HEATR5B: variants seen among roughly 807,000 people sequenced by gnomAD.
HEATR5B encodes HEAT repeat containing 5B, also known as HEAT repeat-containing protein 5B.
Under a neutral mutation model 224.1 loss-of-function variants are expected in HEATR5B, and 156 were observed. The ratio of observed to expected loss-of-function variants is 0.70; its 90% confidence interval spans 0.61 to 0.80. HEATR5B has a LOEUF of 0.80. Ranked by LOEUF, HEATR5B falls within the 30% of genes least tolerant of loss-of-function variation. The probability of loss-of-function intolerance (pLI) is 0.00; values close to 1 mark genes in which losing one functional copy is unlikely to be tolerated. For missense variants in HEATR5B, 2,323 were observed against 2,535.5 expected, an observed-to-expected ratio of 0.92 and a Z score of 1.80; for synonymous variants, 1,027 against 893.0, an observed-to-expected ratio of 1.15 and a Z score of -2.68.
At chr2:37,040,134 T>C (rs980965841) in intron 20 of HEATR5B, among the ~76,000 whole-genome samples, 195 bp downstream of exon 20, 11 of 152,214 alleles carry the variant, frequency 7.2e-5, no homozygotes, top group Non-Finnish European at 1.0e-4. Context: ...CATTATCATG[T>C]CATAGGTTTC....
At chr2:37,051,354 C>CAAAAAA (rs11313174) in intron 17 of HEATR5B, among the ~76,000 whole-genome samples, 5 of 66,024 alleles carry the variant, frequency 7.6e-5, no homozygotes, top group Admixed American at 1.9e-4. Context: ...AACTCCATCT[C>CAAAAAA]AAAAAAAAAA....
intron 12 of HEATR5B, 131 bp from the exon 13 acceptor site, chr2:37,059,118 C>A: frequency 4.3e-6 from 2 of 465,870 alleles, no homozygotes; most frequent in Non-Finnish European, 7.3e-6. Flanking sequence ...GAAACCATGT[C>A]GAACCAAAAG....
intron 16 of HEATR5B, 91 bp from the exon 17 acceptor site, chr2:37,053,698 T>A: frequency 3.2e-6 from 2 of 630,500 alleles, no homozygotes; most frequent in South Asian, 2.5e-5. Context: ...GTTAATTGTT[T>A]AGCAAATAAT....
At chr2:37,043,824 A>G (rs1334508170) in intron 18 of HEATR5B, among the ~76,000 whole-genome samples, 1 of 152,196 alleles carries the variant, frequency 6.6e-6, no homozygotes, top group Non-Finnish European at 1.5e-5. Context: ...TTATTTCAAG[A>G]ACTTTTTGAA....
chr2:37,006,871 A>C (rs1306754573), intron 29 of HEATR5B, among the ~76,000 whole-genome samples, 179 bp downstream of exon 29: 1 of 152,202 alleles, frequency 6.6e-6, no homozygotes, highest in Non-Finnish European at 1.5e-5. Flanking sequence ...GTAGTTTTTA[A>C]TAATTTAATT....
chr2:37,051,775 T>A (rs1352995578), intron 17 of HEATR5B, among the ~76,000 whole-genome samples: 1 of 152,136 alleles, frequency 6.6e-6, no homozygotes, highest in African/African-American at 2.4e-5. Flanking sequence ...AGTCTTGCTC[T>A]GTCCCCCAGG....
At chr2:36,998,848 T>C (rs888141634) in intron 33 of HEATR5B, among the ~76,000 whole-genome samples, 9 of 151,904 alleles carry the variant, frequency 5.9e-5, no homozygotes, top group Non-Finnish European at 1.2e-4. Flanking sequence ...TATATAAATA[T>C]ATATTTAATA....
intron 22 of HEATR5B, among the ~76,000 whole-genome samples, chr2:37,029,143 T>C (rs1236056914): frequency 6.6e-6 from 1 of 152,230 alleles, no homozygotes; most frequent in East Asian, 1.9e-4. Flanking sequence ...TATTCTGAGA[T>C]ATTGTAAACA....
chr2:37,058,312 C>G, intron 14 of HEATR5B, 139 bp downstream of exon 14: 1 of 596,976 alleles, frequency 1.7e-6, no homozygotes. Context: ...CAAGTATCAG[C>G]TACTCTACAT....
rs948602325 is a variant in HEATR5B, at chr2:36,985,658, G to C, written c.5911+2988C>G. 2.9e-5 allele frequency among the ~76,000 whole-genome samples: 4 copies of C among 139,722 alleles called. No individual in the cohort carries two copies. In the Admixed American group the frequency reaches 2.9e-4, roughly 10 times the overall value. 91.7% of individuals were successfully genotyped at this position (139,722 alleles called of 152,430 possible). ...TTTTTTTTTTTTTCAGTAGAGACGG[G>C]GTTTCACCATATTGGCCAGGCTGGT... On this transcript the variant is annotated intron_variant, in intron 35 of 35. Transcript: ENST00000233099.
intron 35 of HEATR5B, 45 bp downstream of exon 35, chr2:36,988,601 A>C (rs751084275): frequency 1.4e-6 from 2 of 1,473,578 alleles, no homozygotes; most frequent in East Asian, 4.5e-5. Context: ...TATACAATAC[A>C]GATCTTCATT....
At chr2:37,052,677 A>T (rs113592816) in intron 17 of HEATR5B, among the ~76,000 whole-genome samples, 383 of 152,342 alleles carry the variant, frequency 2.5e-3, no homozygotes, top group African/African-American at 9.0e-3. Flanking sequence ...TGGGGCCAGT[A>T]TGAAGTAAAA....
chr2:37,018,402 G>T (rs1244551084), intron 26 of HEATR5B, among the ~76,000 whole-genome samples: 1 of 152,188 alleles, frequency 6.6e-6, no homozygotes, highest in Non-Finnish European at 1.5e-5. Context: ...TTGTGTGGCA[G>T]TATCCCAAAC....
Position 36,981,299 on chromosome 2 carries a change from C to A in HEATR5B, c.*191G>T. ...AGGAGGAAAATGAAAACATATTCACCACATGATAAAAAAAATCACTCCTTA... is the reference window on the plus strand; with the variant it reads ...AGGAGGAAAATGAAAACATATTCACAACATGATAAAAAAAATCACTCCTTA... On this transcript the variant is annotated 3_prime_UTR_variant, in exon 36 of 36. Coordinates refer to ENST00000233099, the MANE Select transcript of HEATR5B (RefSeq NM_019024.3). 5 of 447,908 alleles carry A rather than the reference C, an allele frequency of 1.1e-5. No individual in the cohort carries two copies. The highest frequency in any genetic ancestry group is 3.4e-5 in the East Asian group (1 of 29,068). 27.7% of individuals were successfully genotyped at this position (447,908 alleles called of 1,614,324 possible).
chr2:37,036,885 C>G (rs1050299950), intron 21 of HEATR5B, among the ~76,000 whole-genome samples: 4 of 151,914 alleles, frequency 2.6e-5, no homozygotes, highest in Non-Finnish European at 5.9e-5. Flanking sequence ...ACGCTCTCTT[C>G]CAGGCTTTTA....
Position 37,064,871 on chromosome 2 carries a change from C to T in HEATR5B, c.1453G>A (p.Asp485Asn). 6.2e-7 allele frequency: 1 copy of T among 1,614,114 alleles called. No homozygotes were observed. Among genetic ancestry groups the T allele is most frequent in the South Asian group, 1.1e-5 (1 of 91,082 alleles). ...ALPFQLTPFL[D>N]RCAERLNNLK... ...TTGTTGAGCCGTTCTGCACACCTGT[C>T]TAGAAATGGTGTCAGCTGGAAAGGT... Residue 485 changes from aspartate (D) to asparagine (N), a missense_variant, in exon 10 of 36, where the codon GAC (aspartate) becomes AAC (asparagine). Coordinates refer to ENST00000233099, the MANE Select transcript of HEATR5B (RefSeq NM_019024.3).
Position 37,040,534 on chromosome 2 carries a change from A to G in HEATR5B, c.2857-16T>C. The G allele has an allele frequency of 6.3e-7, 1 of 1,579,194 alleles. No homozygotes were observed. The highest frequency in any genetic ancestry group is 8.6e-7 in the Non-Finnish European group (1 of 1,158,882). On this transcript the variant is annotated splice_polypyrimidine_tract_variant and intron_variant, in intron 19 of 35. Coordinates refer to ENST00000233099, the MANE Select transcript of HEATR5B (RefSeq NM_019024.3). ...GAGACCAAGTCTAGAATAAAATATAATTTCATTTTAGTTGTAAGGAAGAAT... is the reference window on the plus strand; with the variant it reads ...GAGACCAAGTCTAGAATAAAATATAGTTTCATTTTAGTTGTAAGGAAGAAT...
chr2:37,008,651 C>T lies in HEATR5B; in HGVS notation c.4482G>A (p.Leu1494=), dbSNP rs562047856. 250 of 1,614,072 alleles carry T rather than the reference C, an allele frequency of 1.5e-4. 3 individuals carry two copies. In the South Asian group the frequency reaches 2.7e-3, roughly 17 times the overall value. Residue 1494 remains leucine, a synonymous_variant, in exon 28 of 36, where the codon TTG becomes TTA. Transcript: ENST00000233099. ...GACTAGAAAATTCGGCTGGTAAAGT[C>T]AAGAGTGCATAATCTTTTAATGCTG... ...WLAALKDYAL[L]TLPAEFSSQL... is the part of the protein sequence containing the mutation.
chr2:37,028,387 A>G (rs1305886667), intron 23 of HEATR5B, among the ~76,000 whole-genome samples: 8 of 152,172 alleles, frequency 5.3e-5, no homozygotes, highest in Admixed American at 4.6e-4. Context: ...TAAATATTTC[A>G]ATAGTTTTAC....
Sources: gnomAD v4.1 joint callset for allele counts (sites outside exome capture counted in the v4.1 genomes callset) on GRCh38, gnomAD v4.1.1 for gene constraint, MANE v1.5 for transcripts, NCBI Gene and HGNC (gene_info 2026-07-23, HGNC 2026-07-21) for gene names.